TRPM2: variants seen among roughly 807,000 people sequenced by gnomAD.
TRPM2 encodes transient receptor potential cation channel subfamily M member 2.
Under a neutral mutation model 174.0 loss-of-function variants are expected in TRPM2, and 161 were observed. That is an observed-to-expected ratio of 0.93 (90% CI 0.81 to 1.05). The LOEUF is 1.05. Among genes scored for constraint, TRPM2 ranks in the 50% least tolerant of loss-of-function variants. The pLI is 0.00. For missense variants in TRPM2, 2,057 were observed against 2,038.0 expected, an observed-to-expected ratio of 1.01 and a Z score of -0.18; for synonymous variants, 954 against 861.3, an observed-to-expected ratio of 1.11 and a Z score of -1.88.
intron 17 of TRPM2, 44 bp from the exon 18 acceptor site, chr21:44,405,861 G>A: frequency 1.3e-6 from 2 of 1,588,080 alleles, no homozygotes; most frequent in South Asian, 2.2e-5. Flanking sequence ...GGGGGCTGCT[G>A]TGAGCAGGTG....
In TRPM2 at chr21:44,441,914, G is replaced by C; in HGVS notation, c.*97G>C. ...CCTGGCCAGGACTCAGGCTGTTCCT[G>C]GGCCCTGCACATGATGGGGTTTGGT... On this transcript the variant is annotated 3_prime_UTR_variant, in exon 32 of 32. Transcript: ENST00000397928. The C allele has an allele frequency of 6.9e-7, 1 of 1,444,742 alleles. No homozygotes were observed. The allele number at this position is 1,444,742 out of a possible 1,614,324, so 89.5% of individuals were successfully genotyped here.
chr21:44,375,946 C>A lies in TRPM2; in HGVS notation c.885C>A (p.Tyr295Ter). Reference protein sequence around the residue: ...ILVDDGTHGQYGVEIPLRTRL... With the variant: ...ILVDDGTHGQ ...TGGACGACGGGACCCACGGCCAGTA[C>A]GGGGTGGAGATTCCTCTGAGGACCA... The change falls in exon 6 of 32, where the codon TAC becomes TAA. Residue 295 changes from tyrosine to a stop codon, truncating the protein, a stop_gained. Transcript: ENST00000397928. LOFTEE classifies it high-confidence loss of function. 1 of 1,614,078 alleles carries A rather than the reference C, an allele frequency of 6.2e-7. No individual in the cohort carries two copies. Among genetic ancestry groups the A allele is most frequent in the Non-Finnish European group, 8.5e-7 (1 of 1,180,006 alleles).
chr21:44,424,897 C>G lies in TRPM2; in HGVS notation c.3595C>G (p.Arg1199Gly). Residue 1199 changes from arginine (R) to glycine (G), a missense_variant, in exon 24 of 32, where the codon CGG becomes GGG. Arg to Gly is a moderately radical substitution (Grantham distance 125). Transcript: ENST00000397928. The part of the protein sequence containing the change: ...QALHWIVRTL[R>G]ASGFSSEADV... Reference sequence around the variant, plus strand: ...CCTGCACTGGATCGTGAGGACGCTGCGGGCCAGCGGCTTCAGCTCGGAGGC... The same window carrying G: ...CCTGCACTGGATCGTGAGGACGCTGGGGGCCAGCGGCTTCAGCTCGGAGGC... The G allele has an allele frequency of 6.2e-7, 1 of 1,607,682 alleles. No individual in the cohort carries two copies. The highest frequency in any genetic ancestry group is 1.1e-5 in the South Asian group (1 of 89,996).
chr21:44,436,999 G>C, intron 28 of TRPM2, 63 bp from the exon 29 acceptor site: 1 of 1,470,088 alleles, frequency 6.8e-7, no homozygotes, highest in Non-Finnish European at 9.2e-7. Flanking sequence ...CAGCCCCGCC[G>C]CGGCGCAGGG....
chr21:44,361,185 G>C (rs1178787839), intron 2 of TRPM2, among the ~76,000 whole-genome samples: 1 of 151,922 alleles, frequency 6.6e-6, no homozygotes, highest in African/African-American at 2.4e-5. Context: ...TCATTCTCTG[G>C]AGTGCAATGG....
rs1290766364 is a variant in TRPM2 at position 44,375,860 on chromosome 21, G to T, written c.799G>T (p.Asp267Tyr). Reference sequence around the variant, plus strand: ...CAGCTTCCCCGCCGAGTACATACTGGATGAGGATGGCCAAGGGAACCTGAC... The same window carrying T: ...CAGCTTCCCCGCCGAGTACATACTGTATGAGGATGGCCAAGGGAACCTGAC... ...TGSFPAEYIL[D>Y]EDGQGNLTCL... Residue 267 changes from aspartate (D) to tyrosine (Y), a missense_variant, in exon 6 of 32, where the codon GAT becomes TAT. By Grantham distance (160) the Asp-to-Tyr change is radical. Transcript: ENST00000397928. The T allele has an allele frequency of 6.2e-7, 1 of 1,613,938 alleles. No homozygotes were observed. The highest frequency in any genetic ancestry group is 1.7e-5 in the Admixed American group (1 of 60,028).
At chr21:44,436,472 C>T (rs2051269914) in intron 28 of TRPM2, among the ~76,000 whole-genome samples, 1 of 151,852 alleles carries the variant, frequency 6.6e-6, no homozygotes, top group Non-Finnish European at 1.5e-5. Flanking sequence ...TTGGCCTGCC[C>T]AGGTGGCACT....
chr21:44,425,683 C>T lies in TRPM2; in HGVS notation c.3651C>T (p.Ala1217=), dbSNP rs758533543. 4.1e-5 allele frequency: 63 copies of T among 1,532,224 alleles called. No homozygotes were observed. Among genetic ancestry groups the T allele is most frequent in the East Asian group, 3.9e-4 (16 of 40,896 alleles). The allele number at this position is 1,532,224 out of a possible 1,614,324, so 94.9% of individuals were successfully genotyped here. ...ADVPTLASQK[A]AEEPDAEPGG... Reference sequence around the variant, plus strand: ...GACTGTCCCCAGCCTCCCAGAAGGCCGCGGAGGAGCCGGATGCTGAGCCGG... The same window carrying T: ...GACTGTCCCCAGCCTCCCAGAAGGCTGCGGAGGAGCCGGATGCTGAGCCGG... The change falls in exon 25 of 32, where the codon GCC becomes GCT. Residue 1217 remains alanine, a synonymous_variant. Transcript: ENST00000397928.
rs550545662 is a variant in TRPM2 at position 44,362,226 on chromosome 21, C to T, written c.255-1888C>T. On this transcript the variant is annotated intron_variant, in intron 2 of 31. Transcript: ENST00000397928. ...CTTCTACATATATTGAAATGAGGGCCGGGCATGGTGGCTTAAGCCTGTAAT... is the reference window on the plus strand; with the variant it reads ...CTTCTACATATATTGAAATGAGGGCTGGGCATGGTGGCTTAAGCCTGTAAT... 4.0e-5 allele frequency among the ~76,000 whole-genome samples: 6 copies of T among 151,798 alleles called. No homozygotes were observed. In the East Asian group the frequency reaches 7.7e-4, roughly 20 times the overall value.
At position 44,399,132 on chromosome 21, in the gene TRPM2, C is replaced by T. The variant is rs960275689; in HGVS notation, c.2063-164C>T. ...GCCCTACGTGCCCTCTCCCTGGGGT[C>T]CTCGTCCCTGGGCCTGGGTGTTTTG... On this transcript the variant is annotated intron_variant, in intron 13 of 31. Transcript: ENST00000397928. The surrounding 1 kb of genome is among the most constrained non-coding windows in gnomAD (Gnocchi z 4.6). 6.6e-6 allele frequency among the ~76,000 whole-genome samples: 1 copy of T among 152,026 alleles called. No homozygotes were observed. Among genetic ancestry groups the T allele is most frequent in the African/African-American group, 2.4e-5 (1 of 41,380 alleles).
Position 44,437,049 on chromosome 21 carries a change from G to A in TRPM2, c.4062-13G>A, listed in dbSNP as rs147045023. 0.011 allele frequency: 16,898 copies of A among 1,548,454 alleles called. 125 individuals are homozygous for A. The highest frequency in any genetic ancestry group is 0.013 in the Non-Finnish European group (14,743 of 1,146,120). ...CAGCGGGTCCTGGGCAGCCATGGCC[G>A]CTCTCTCCGCAGGTGGAGGCGGAAC... is the stretch of plus-strand genomic sequence containing the variant. On this transcript the variant is annotated splice_polypyrimidine_tract_variant and intron_variant, in intron 28 of 31. Coordinates refer to ENST00000397928, the MANE Select transcript of TRPM2 (RefSeq NM_003307.4).
intron 5 of TRPM2, among the ~76,000 whole-genome samples, chr21:44,375,016 A>G (rs1474923642): frequency 1.3e-5 from 2 of 152,024 alleles, no homozygotes; most frequent in Non-Finnish European, 2.9e-5. Flanking sequence ...GGCTCAAGTG[A>G]TCTTCCCATC....
intron 2 of TRPM2, 40 bp from the exon 3 acceptor site, chr21:44,364,074 G>A: frequency 1.3e-6 from 2 of 1,595,526 alleles, no homozygotes; most frequent in Non-Finnish European, 1.7e-6. Flanking sequence ...AGCAGGAAGG[G>A]CACCACACTC....
chr21:44,377,585 T>C (rs2146198842), intron 6 of TRPM2, 127 bp from the exon 7 acceptor site: 1 of 1,272,842 alleles, frequency 7.9e-7, no homozygotes, highest in Non-Finnish European at 1.1e-6. Flanking sequence ...GAGAGTGCCC[T>C]CAGTGCAGGG....
intron 5 of TRPM2, among the ~76,000 whole-genome samples, chr21:44,371,510 G>T (rs1220375851): frequency 7.0e-6 from 1 of 142,486 alleles, no homozygotes; most frequent in Non-Finnish European, 1.5e-5. Flanking sequence ...CTCTGCCTCC[G>T]TGTCCCGTGG....
At chr21:44,360,918 A>G (rs1212736339) in intron 2 of TRPM2, among the ~76,000 whole-genome samples, 1 of 151,842 alleles carries the variant, frequency 6.6e-6, no homozygotes, top group Non-Finnish European at 1.5e-5. Flanking sequence ...TGGTCAAGAT[A>G]CAGCACTGTC....
intron 19 of TRPM2, among the ~76,000 whole-genome samples, chr21:44,411,928 T>G (rs184956454): frequency 1.0e-3 from 156 of 152,342 alleles, no homozygotes; most frequent in African/African-American, 3.4e-3. Context: ...ACCAACTTTA[T>G]GTTCCTGGGA....
chr21:44,433,631 G>A (rs2051113904), intron 27 of TRPM2, among the ~76,000 whole-genome samples: 1 of 152,230 alleles, frequency 6.6e-6, no homozygotes, highest in Non-Finnish European at 1.5e-5. Context: ...CCCAAGCCTT[G>A]CTGCATGTGT....
rs537882190 is a variant in TRPM2, at chr21:44,442,539, G to C, written c.*722G>C. ...CGGCATGAGCAGGAGGCGGGGACGT[G>C]GGGGCCTTCTGGTTTGGTGTCAACA... On this transcript the variant is annotated 3_prime_UTR_variant, in exon 32 of 32. Transcript: ENST00000397928. 6.6e-6 allele frequency: 1 copy of C among 152,442 alleles called. No individual in the cohort carries two copies. The highest frequency in any genetic ancestry group is 1.5e-5 in the Non-Finnish European group (1 of 68,096). The allele number at this position is 152,442 out of a possible 1,614,324, so 9.4% of individuals were successfully genotyped here.
Sources: allele counts gnomAD v4.1 joint callset (sites outside exome capture counted in the v4.1 genomes callset), GRCh38; gene constraint gnomAD v4.1.1; non-coding constraint Gnocchi (gnomAD v3.1); transcripts MANE v1.5; gene names NCBI Gene and HGNC (gene_info 2026-07-23, HGNC 2026-07-21).